The following GLRX3 variants were observed in gnomAD, a reference collection of about 807,000 sequenced individuals.
GLRX3 encodes the protein glutaredoxin-3.
A neutral mutation model predicts 49.5 loss-of-function variants in GLRX3; 22 were observed. The observed-to-expected ratio is 0.44, with a 90% CI of 0.32 to 0.63. GLRX3 has a LOEUF of 0.63. GLRX3 is among the 30% of genes least tolerant of loss of function. The pLI is 0.05. For missense variants in GLRX3, 385 were observed against 396.3 expected (o/e 0.97, Z 0.24); for synonymous variants, 133 against 140.0 (o/e 0.95, Z 0.35).
At chr10:130,166,726 C>T (rs112782379) in intron 5 of GLRX3, 47 bp downstream of exon 5, 3 of 1,284,128 alleles carry the variant, frequency 2.3e-6, no homozygotes, top group African/African-American at 1.5e-5. Flanking sequence ...CCATTTAGAG[C>T]ATACTTTTTA....
chr10:130,166,525 T>A lies in GLRX3; in HGVS notation c.497T>A (p.Val166Glu). 6.2e-7 allele frequency: 1 copy of A among 1,613,352 alleles called. No individual in the cohort carries two copies. The highest frequency in any genetic ancestry group is 8.5e-7 in the Non-Finnish European group (1 of 1,179,442). The change falls in exon 5 of 11, where the codon GTG becomes GAG. Residue 166 changes from valine (V) to glutamate (E), a missense_variant. Val to Glu is a moderately radical substitution (Grantham distance 121). Around this residue, in one of 2 missense-constraint regions of GLRX3, gnomAD observed 374 missense variants for 358.6 expected, o/e 1.04. Transcript: ENST00000331244. ...EPRCGFSKQM[V>E]EILHKHNIQF... ...TGTACAGGTTTCAGCAAGCAGATGG[T>A]GGAAATTCTTCACAAACATAATATT...
chr10:130,151,350 T>C (rs1862373423), intron 2 of GLRX3, among the ~76,000 whole-genome samples: 1 of 152,228 alleles, frequency 6.6e-6, no homozygotes, highest in Non-Finnish European at 1.5e-5. Context: ...TGAAAGTATT[T>C]AAAGAAGTTA....
At chr10:130,169,541 C>T (rs774473466) in intron 7 of GLRX3, 51 bp downstream of exon 7, 1 of 1,129,250 alleles carries the variant, frequency 8.9e-7, no homozygotes, top group Non-Finnish European at 1.4e-6. Flanking sequence ...ATGTTAACAT[C>T]TGCAACAAGG....
chr10:130,145,279 C>T lies in GLRX3; in HGVS notation c.161C>T (p.Ala54Val). The part of the protein sequence containing the change: ...PQCAQMNEVM[A>V]ELAKELPQVS... Reference sequence around the variant, plus strand: ...TGTGCACAGATGAACGAAGTTATGGCAGAGTTAGCTAAAGAACTCCCTCAA... The same window carrying T: ...TGTGCACAGATGAACGAAGTTATGGTAGAGTTAGCTAAAGAACTCCCTCAA... Residue 54 changes from alanine (A) to valine (V), a missense_variant, in exon 2 of 11, where the codon GCA becomes GTA. Physicochemically the swap from Ala to Val is moderately conservative, Grantham distance 64 (BLOSUM62 0). Around this residue, in one of 2 missense-constraint regions of GLRX3, gnomAD observed 374 missense variants for 358.6 expected, o/e 1.04. Coordinates refer to ENST00000331244, the MANE Select transcript of GLRX3 (RefSeq NM_006541.5). 1 of 1,562,772 alleles carries T rather than the reference C, an allele frequency of 6.4e-7. No homozygotes were observed. Among genetic ancestry groups the T allele is most frequent in the Non-Finnish European group, 8.8e-7 (1 of 1,133,748 alleles).
At chr10:130,143,264 A>G (rs1386979890) in intron 1 of GLRX3, among the ~76,000 whole-genome samples, 1 of 152,038 alleles carries the variant, frequency 6.6e-6, no homozygotes, top group East Asian at 1.9e-4. Context: ...CGCTGGTATT[A>G]TTTGATCAGT....
chr10:130,138,584 AC>A (rs1862111071), intron 1 of GLRX3, among the ~76,000 whole-genome samples: 1 of 152,162 alleles, frequency 6.6e-6, no homozygotes, highest in Admixed American at 6.5e-5. Flanking sequence ...GGAAATTGTT[AC>A]GGAAAAAAGC....
chr10:130,164,509 T>C (rs1862643604), intron 4 of GLRX3, among the ~76,000 whole-genome samples: 3 of 152,170 alleles, frequency 2.0e-5, no homozygotes, highest in Non-Finnish European at 4.4e-5. Context: ...TGTTAGGTAG[T>C]GATGAGATGC....
intron 2 of GLRX3, among the ~76,000 whole-genome samples, chr10:130,153,641 A>C (rs1346505831): frequency 5.7e-4 from 87 of 152,274 alleles, no homozygotes; most frequent in Admixed American, 5.6e-3. Context: ...CAGAACAGCA[A>C]ATATTGCTGC....
chr10:130,158,540 G>A (rs1862519700), intron 2 of GLRX3, among the ~76,000 whole-genome samples: 1 of 152,064 alleles, frequency 6.6e-6, no homozygotes, highest in Admixed American at 6.6e-5. Context: ...CTGAAGGAAG[G>A]GCCCTTTTGT....
intron 1 of GLRX3, among the ~76,000 whole-genome samples, chr10:130,138,314 C>G (rs72846702): frequency 2.6e-5 from 4 of 152,018 alleles, no homozygotes; most frequent in Non-Finnish European, 4.4e-5. Flanking sequence ...CTGCCTCGGC[C>G]TTGTAAAGTA....
chr10:130,136,594 G>C (rs1862056109), intron 1 of GLRX3, 82 bp downstream of exon 1: 1 of 1,231,714 alleles, frequency 8.1e-7, no homozygotes, highest in African/African-American at 1.6e-5. Context: ...GCGGCGGGTG[G>C]CCCAGCCTGG....
chr10:130,151,194 G>A (rs1384213936), intron 2 of GLRX3, among the ~76,000 whole-genome samples: 1 of 152,028 alleles, frequency 6.6e-6, no homozygotes, highest in East Asian at 1.9e-4. Flanking sequence ...CCAAAGTGCT[G>A]GGATTACAGG....
rs536064209 is a variant in GLRX3, at chr10:130,160,831, T to C, written c.312T>C (p.His104=). ...SQKIDRLDGA[H]APELTKKVQR... ...AAATCGACCGATTAGATGGTGCACATGCCCCAGAGTTGACCAAAAAAGTTC... is the reference window on the plus strand; with the variant it reads ...AAATCGACCGATTAGATGGTGCACACGCCCCAGAGTTGACCAAAAAAGTTC... Residue 104 remains histidine (H), a synonymous_variant, in exon 4 of 11, where the codon CAT becomes CAC. Transcript: ENST00000331244. 9 of 1,608,266 alleles carry C rather than the reference T, an allele frequency of 5.6e-6. No homozygotes were observed. In the African/African-American group the frequency reaches 1.2e-4, roughly 21 times the overall value.
intron 2 of GLRX3, among the ~76,000 whole-genome samples, chr10:130,157,683 C>T (rs1159794319): frequency 2.0e-5 from 3 of 151,952 alleles, no homozygotes; most frequent in Non-Finnish European, 4.4e-5. Flanking sequence ...ATTGCACCTC[C>T]TCTTTAACTA....
At position 130,160,921 on chromosome 10, in the gene GLRX3, C is replaced by A. The variant is rs769119917; in HGVS notation, c.402C>A (p.Asn134Lys). The A allele has an allele frequency of 8.7e-6, 14 of 1,613,590 alleles. 1 individual carries two copies. The highest frequency in any genetic ancestry group is 1.7e-4 in the Middle Eastern group (1 of 6,052). ...ATGAACATCTTAAAGAAGATCTCAA[C>A]CTTCGCTTGAAGAAATTGACTCATG... ...SANEHLKEDL[N>K]LRLKKLTHAA... The change falls in exon 4 of 11, where the codon AAC (asparagine) becomes AAA (lysine). Residue 134 changes from asparagine to lysine, a missense_variant. This residue lies in a region of GLRX3 where 374 missense variants were observed against 358.6 expected (regional missense o/e 1.04). Transcript: ENST00000331244.
chr10:130,145,355 T>A, intron 2 of GLRX3, 36 bp downstream of exon 2: 1 of 980,044 alleles, frequency 1.0e-6, no homozygotes, highest in Non-Finnish European at 1.7e-6. Context: ...TTTGTGAATT[T>A]AATTCTGATT....
intron 2 of GLRX3, among the ~76,000 whole-genome samples, chr10:130,156,269 A>G (rs1234232364): frequency 1.3e-5 from 2 of 152,194 alleles, no homozygotes; most frequent in African/African-American, 2.4e-5. Context: ...CAGCAGGAGA[A>G]GAAGGGCAAA....
intron 2 of GLRX3, among the ~76,000 whole-genome samples, chr10:130,155,506 C>T (rs1182547185): frequency 1.3e-5 from 2 of 152,142 alleles, no homozygotes; most frequent in Non-Finnish European, 2.9e-5. Context: ...GAGCCCAGAA[C>T]ACCTGTTGAT....
intron 4 of GLRX3, among the ~76,000 whole-genome samples, chr10:130,165,104 A>G (rs1862655549): frequency 6.6e-6 from 1 of 152,244 alleles, no homozygotes; most frequent in South Asian, 2.1e-4. Flanking sequence ...AGTAAAGCCC[A>G]TTCTTGCAAT....
Sources: gnomAD v4.1 joint callset for allele counts (sites outside exome capture counted in the v4.1 genomes callset) on GRCh38, gnomAD v4.1.1 for gene constraint, gnomAD v4.1.1 regional missense constraint, MANE v1.5 for transcripts, NCBI Gene and HGNC (gene_info 2026-07-23, HGNC 2026-07-21) for gene names.